The following PDE8B variants were observed in gnomAD, a reference collection of about 807,000 sequenced individuals.
PDE8B encodes phosphodiesterase 8B, also known as high affinity cAMP-specific and IBMX-insensitive 3',5'-cyclic phosphodiesterase 8B.
A neutral mutation model predicts 101.3 loss-of-function variants in PDE8B; 26 were observed. The observed-to-expected ratio is 0.26, with a 90% CI of 0.19 to 0.36. The LOEUF is 0.36. Ranked by LOEUF, PDE8B falls within the 10% of genes least tolerant of loss-of-function variation. The pLI is 1.00. For synonymous variants in PDE8B, 424 were observed against 429.3 expected (o/e 0.99, Z 0.15); for missense variants, 810 against 1,163.1 (o/e 0.70, Z 4.42).
intron 10 of PDE8B, among the ~76,000 whole-genome samples, chr5:77,393,131 C>A (rs999145412): frequency 6.6e-6 from 1 of 152,118 alleles, no homozygotes; most frequent in South Asian, 2.1e-4. Flanking sequence ...CAGTGGCTCA[C>A]GCCTGTAATC....
chr5:77,424,751 T>G (rs80277469), intron 20 of PDE8B, among the ~76,000 whole-genome samples: 239 of 152,318 alleles, frequency 1.6e-3, no homozygotes, highest in African/African-American at 5.5e-3. Flanking sequence ...AGGTCAAGAT[T>G]TAATACAATT....
In PDE8B at chr5:77,221,777, A is replaced by C. The variant is rs115370277; in HGVS notation, c.339+10513A>C. On this transcript the variant is annotated intron_variant, in intron 1 of 21. Coordinates refer to ENST00000264917, the MANE Select transcript of PDE8B (RefSeq NM_003719.5). ...GGGTTTATGTGTATTTGATGTGTTG[A>C]TGCATTGCAGTTATTAAACCTATTT... Among the ~76,000 whole-genome samples the C allele has an allele frequency of 3.8e-3, 577 of 152,280 alleles. 2 individuals carry two copies. The highest frequency in any genetic ancestry group is 0.013 in the African/African-American group (547 of 41,556).
chr5:77,367,530 CTTTTT>C (rs3031815), intron 10 of PDE8B, among the ~76,000 whole-genome samples: 15 of 109,476 alleles, frequency 1.4e-4, no homozygotes, highest in South Asian at 3.4e-4. Context: ...CTTTTTCTCT[CTTTTT>C]TTTTTTTTTT....
At chr5:77,315,787 T>A (rs1195402690) in intron 2 of PDE8B, among the ~76,000 whole-genome samples, 1 of 152,246 alleles carries the variant, frequency 6.6e-6, no homozygotes, top group East Asian at 1.9e-4. Flanking sequence ...ACTGTCCCTT[T>A]TATCATTACG....
At chr5:77,178,375 A>C in the PDE8B span, among the ~76,000 whole-genome samples, 4 of 152,110 alleles carry the variant, frequency 2.6e-5, no homozygotes. Context: ...GACTTTATTA[A>C]AGTTATTCTT....
chr5:77,171,113 T>G, the PDE8B span, among the ~76,000 whole-genome samples: 21 of 152,290 alleles, frequency 1.4e-4, no homozygotes, highest in African/African-American at 4.8e-4. Flanking sequence ...ATGGAAATAA[T>G]TGGAGAAAGC....
intron 2 of PDE8B, among the ~76,000 whole-genome samples, chr5:77,314,616 C>CAT (rs1773390604): frequency 2.0e-5 from 3 of 151,968 alleles, no homozygotes; most frequent in Non-Finnish European, 4.4e-5. Context: ...TCCTATAATC[C>CAT]TAAGCATTAT....
chr5:77,370,814 A>G lies in PDE8B; in HGVS notation c.1167+17408A>G, dbSNP rs78709547. 8.5e-5 allele frequency among the ~76,000 whole-genome samples: 13 copies of G among 152,336 alleles called. 1 individual carries two copies. In the East Asian group the frequency reaches 2.5e-3, roughly 29 times the overall value. On this transcript the variant is annotated intron_variant, in intron 10 of 21. Transcript: ENST00000264917. The stretch of plus-strand genomic sequence containing the variant: ...ATTCAGTTGCTGCACATCCTTGCCA[A>G]CAGTTGGTTTGCCAGTCTTTACAAT...
rs1794031371 is a variant in PDE8B at position 77,408,988 on chromosome 5, G to A, written c.1461G>A (p.Leu487=). ...TAGAGATTTTACGGACCACAGAACT[G>A]TACTCCCCTCAGCTGGGTACCAAAG... ...RVLEILRTTE[L]YSPQLGTKDE... Residue 487 remains leucine, a synonymous_variant, in exon 14 of 22, where the codon CTG becomes CTA. Transcript: ENST00000264917. The A allele has an allele frequency of 4.3e-6, 7 of 1,613,236 alleles. No individual in the cohort carries two copies. Among genetic ancestry groups the A allele is most frequent in the East Asian group, 4.5e-5 (2 of 44,868 alleles).
chr5:77,149,680 T>C, the PDE8B span, among the ~76,000 whole-genome samples: 1 of 152,224 alleles, frequency 6.6e-6, no homozygotes, highest in Non-Finnish European at 1.5e-5. Flanking sequence ...ACAAATACAA[T>C]AGATTTTTAA....
intron 1 of PDE8B, among the ~76,000 whole-genome samples, chr5:77,234,135 A>C (rs1362195825): frequency 6.6e-6 from 1 of 152,092 alleles, no homozygotes; most frequent in Non-Finnish European, 1.5e-5. Context: ...ATGTCCCTGC[A>C]TTTCTGTGAC....
At chr5:77,193,959 C>T in the PDE8B span, among the ~76,000 whole-genome samples, 1 of 152,100 alleles carries the variant, frequency 6.6e-6, no homozygotes, top group African/African-American at 2.4e-5. Context: ...ATATAGAATA[C>T]AATTGACTTT....
At chr5:77,142,518 C>T in the PDE8B span, among the ~76,000 whole-genome samples, 11 of 152,162 alleles carry the variant, frequency 7.2e-5, no homozygotes, top group African/African-American at 9.7e-5. Context: ...TGGCATCCTA[C>T]AGTATGTACT....
At chr5:77,311,429 T>C (rs545621205) in intron 1 of PDE8B, among the ~76,000 whole-genome samples, 1 of 152,316 alleles carries the variant, frequency 6.6e-6, no homozygotes, top group East Asian at 1.9e-4. Flanking sequence ...GAACTACAAC[T>C]AAGATGAATA....
rs578024288 is a variant in PDE8B at position 77,306,459 on chromosome 5, A to G, written c.340-5535A>G. Among the ~76,000 whole-genome samples the G allele has an allele frequency of 1.1e-4, 17 of 152,346 alleles. 1 individual carries two copies. The South Asian group carries it at 3.1e-3, about 28-fold the overall frequency. On this transcript the variant is annotated intron_variant, in intron 1 of 21. Coordinates refer to ENST00000264917, the MANE Select transcript of PDE8B (RefSeq NM_003719.5). The stretch of plus-strand genomic sequence containing the variant: ...TTAAATGAGTAACAAAATCAGTGCT[A>G]TGAATACAGGAGTACTGAGGAGAGA...
intron 10 of PDE8B, among the ~76,000 whole-genome samples, chr5:77,371,180 C>A (rs1305118365): frequency 6.6e-6 from 1 of 152,000 alleles, no homozygotes; most frequent in East Asian, 1.9e-4. Flanking sequence ...TGTGACCTAC[C>A]TAAGAAAACT....
At chr5:77,222,872 G>A (rs1168045913) in intron 1 of PDE8B, among the ~76,000 whole-genome samples, 1 of 152,164 alleles carries the variant, frequency 6.6e-6, no homozygotes, top group African/African-American at 2.4e-5. Context: ...GGCTTTCTAA[G>A]CCTGGAGCTC....
At chr5:77,363,313 T>C (rs1783481137) in intron 10 of PDE8B, among the ~76,000 whole-genome samples, 1 of 152,086 alleles carries the variant, frequency 6.6e-6, no homozygotes, top group African/African-American at 2.4e-5. Flanking sequence ...GAAGCACAAG[T>C]GTATCTTCGG....
chr5:77,370,161 T>C (rs1025164218), intron 10 of PDE8B, among the ~76,000 whole-genome samples: 1 of 152,228 alleles, frequency 6.6e-6, no homozygotes, highest in Non-Finnish European at 1.5e-5. Flanking sequence ...GCTTACATTT[T>C]ATGTAAAATT....
Sources: allele counts gnomAD v4.1 joint callset (sites outside exome capture counted in the v4.1 genomes callset), GRCh38; gene constraint gnomAD v4.1.1; transcripts MANE v1.5; gene names NCBI Gene and HGNC (gene_info 2026-07-23, HGNC 2026-07-21).